The following SUGCT variants were observed in gnomAD, a reference collection of about 807,000 sequenced individuals.
SUGCT encodes the protein succinyl-CoA:glutarate-CoA transferase.
SUGCT carries 41 observed loss-of-function variants against 55.0 expected under a neutral mutation model. The observed-to-expected ratio is 0.74, with a 90% CI of 0.58 to 0.97. The LOEUF (loss-of-function observed/expected upper bound fraction) is 0.97. Ranked by LOEUF, SUGCT falls within the 50% of genes least tolerant of loss-of-function variation. The probability of loss-of-function intolerance (pLI) is 0.00; values close to 1 mark genes in which losing one functional copy is unlikely to be tolerated. For synonymous variants in SUGCT, 187 were observed against 200.4 expected (o/e 0.93, Z 0.56); for missense variants, 568 against 547.8 (o/e 1.04, Z -0.37).
chr7:40,235,247 TG>T (rs1321413305), intron 6 of SUGCT, among the ~76,000 whole-genome samples: 1 of 152,216 alleles, frequency 6.6e-6, no homozygotes, highest in Non-Finnish European at 1.5e-5. Context: ...CGAATGCATC[TG>T]GGTAGATTAA....
At chr7:40,443,664 G>T (rs112788916) in intron 9 of SUGCT, among the ~76,000 whole-genome samples, 173 of 152,130 alleles carry the variant, frequency 1.1e-3, no homozygotes, top group African/African-American at 3.9e-3. Flanking sequence ...TTCTCCCATT[G>T]TGTAGGTTGC....
intron 1 of SUGCT, among the ~76,000 whole-genome samples, chr7:40,145,852 T>A (rs917367557): frequency 2.6e-5 from 4 of 152,240 alleles, no homozygotes; most frequent in Non-Finnish European, 4.4e-5. Flanking sequence ...TGTTAGAGTT[T>A]CCTTATCCCT....
intron 13 of SUGCT, among the ~76,000 whole-genome samples, chr7:40,783,319 T>C (rs1447370411): frequency 6.6e-6 from 1 of 152,126 alleles, no homozygotes; most frequent in Admixed American, 6.5e-5. Flanking sequence ...CAGAATGAGA[T>C]AGAACTTTCA....
intron 13 of SUGCT, among the ~76,000 whole-genome samples, chr7:40,772,515 T>TATCTATC (rs1463719521): frequency 7.1e-6 from 1 of 141,396 alleles, no homozygotes; most frequent in Non-Finnish European, 1.6e-5. Flanking sequence ...TCTATCTATC[T>TATCTATC]ATCTATCTAT....
chr7:40,324,239 A>AT (rs1491400022), intron 9 of SUGCT, among the ~76,000 whole-genome samples: 17 of 102,960 alleles, frequency 1.7e-4, no homozygotes, highest in African/African-American at 4.7e-4. Context: ...ATATATAAAT[A>AT]AATAAATAAA....
chr7:40,533,058 C>G (rs1794180008), intron 12 of SUGCT, among the ~76,000 whole-genome samples: 1 of 152,090 alleles, frequency 6.6e-6, no homozygotes, highest in Non-Finnish European at 1.5e-5. Context: ...TAACAAGTTG[C>G]TATAGTAACT....
chr7:40,523,296 C>T (rs764604041), intron 12 of SUGCT, among the ~76,000 whole-genome samples: 11 of 150,704 alleles, frequency 7.3e-5, no homozygotes, highest in Non-Finnish European at 1.6e-4. Context: ...TGAAGCCAGA[C>T]TATCAGCAGA....
the SUGCT span, among the ~76,000 whole-genome samples, chr7:40,943,964 T>C: frequency 7.4e-5 from 11 of 149,598 alleles, no homozygotes; most frequent in Non-Finnish European, 1.5e-4. Context: ...TTTTTAATGA[T>C]TGCCATTCTA....
At chr7:40,367,112 G>T (rs1441430415) in intron 9 of SUGCT, among the ~76,000 whole-genome samples, 2 of 151,998 alleles carry the variant, frequency 1.3e-5, no homozygotes, top group Non-Finnish European at 2.9e-5. Flanking sequence ...CATGTCCTTT[G>T]TAGGGACATG....
chr7:40,254,576 G>A (rs1790669233), intron 7 of SUGCT, among the ~76,000 whole-genome samples: 1 of 151,566 alleles, frequency 6.6e-6, no homozygotes, highest in South Asian at 2.1e-4. Context: ...GTATTTTTTA[G>A]TAGAGGTGGG....
rs369286663 is a variant in SUGCT, at chr7:40,308,955, A to G, written c.721-7805A>G. 1.1e-4 allele frequency among the ~76,000 whole-genome samples: 17 copies of G among 152,304 alleles called. No homozygotes were observed. The East Asian group carries it at 2.9e-3, about 26-fold the overall frequency. ...AACTTGGTAGGTGGAGGTTGCAATG[A>G]GAGATTGTGCCACTGCACTGCAGCC... On this transcript the variant is annotated intron_variant, in intron 8 of 13. Coordinates refer to ENST00000335693, the MANE Select transcript of SUGCT (RefSeq NM_001193313.2).
chr7:40,902,920 T>G, the SUGCT span, among the ~76,000 whole-genome samples: 1 of 152,278 alleles, frequency 6.6e-6, no homozygotes, highest in South Asian at 2.1e-4. Flanking sequence ...GGCAATGAAT[T>G]TAATCCTCTC....
At chr7:40,754,456 C>G (rs918713919) in intron 13 of SUGCT, among the ~76,000 whole-genome samples, 3 of 152,202 alleles carry the variant, frequency 2.0e-5, no homozygotes, top group Admixed American at 6.5e-5. Context: ...CGACAACTAA[C>G]CTAACTAAAC....
chr7:40,242,029 A>T (rs192448585), intron 7 of SUGCT, among the ~76,000 whole-genome samples: 1 of 152,050 alleles, frequency 6.6e-6, no homozygotes, highest in African/African-American at 2.4e-5. Flanking sequence ...GTGTTGTCAG[A>T]TTAGATTATA....
rs138306062 is a variant in SUGCT, at chr7:40,695,718, C to T, written c.1090-53716C>T. Among the ~76,000 whole-genome samples, 218 of 152,198 alleles carry T rather than the reference C, an allele frequency of 1.4e-3. 1 individual carries two copies. The highest frequency in any genetic ancestry group is 5.1e-3 in the African/African-American group (211 of 41,514). On this transcript the variant is annotated intron_variant, in intron 12 of 13. Coordinates refer to ENST00000335693, the MANE Select transcript of SUGCT (RefSeq NM_001193313.2). The stretch of plus-strand genomic sequence containing the variant: ...ACAGAATTTTTTAGTGTTGGCACTA[C>T]TGACATTTTGGGTTAAGAATAATCG...
At position 40,141,433 on chromosome 7, in the gene SUGCT, G is replaced by C. The variant is rs1476479751; in HGVS notation, c.100+6313G>C. ...ATGGATCACAAGGTTAGGAGTTCGA[G>C]ACCAGCCTGGCCAACATAGTGAAAC... On this transcript the variant is annotated intron_variant, in intron 1 of 13. Transcript: ENST00000335693. Among the ~76,000 whole-genome samples the C allele has an allele frequency of 3.3e-5, 5 of 152,028 alleles. 1 individual carries two copies. Among genetic ancestry groups the C allele is most frequent in the Non-Finnish European group, 7.4e-5 (5 of 67,998 alleles).
intron 12 of SUGCT, among the ~76,000 whole-genome samples, chr7:40,566,324 G>A (rs573520339): frequency 8.1e-4 from 124 of 152,268 alleles, no homozygotes; most frequent in Middle Eastern, 3.4e-3. Flanking sequence ...TTTGGCCGTC[G>A]TGACTCTGGT....
intron 13 of SUGCT, among the ~76,000 whole-genome samples, chr7:40,825,256 G>A (rs1584494859): frequency 6.6e-6 from 1 of 152,110 alleles, no homozygotes; most frequent in South Asian, 2.1e-4. Context: ...AAAATAAATT[G>A]TTTTTTTGAT....
chr7:40,440,145 G>GTTTGTTTTTT (rs1788428094), intron 9 of SUGCT, among the ~76,000 whole-genome samples: 1 of 68,438 alleles, frequency 1.5e-5, no homozygotes, highest in African/African-American at 6.7e-5. Flanking sequence ...GTGTGTGTGT[G>GTTTGTTTTTT]TTTTTTTTTT....
Sources: allele counts gnomAD v4.1 joint callset (sites outside exome capture counted in the v4.1 genomes callset), GRCh38; gene constraint gnomAD v4.1.1; transcripts MANE v1.5; gene names NCBI Gene and HGNC (gene_info 2026-07-23, HGNC 2026-07-21).